The following MYO9A variants were observed in gnomAD, a reference collection of about 807,000 sequenced individuals.
MYO9A encodes the protein unconventional myosin-IXa.
A neutral mutation model predicts 293.3 loss-of-function variants in MYO9A; 103 were observed. That is an observed-to-expected ratio of 0.35 (90% confidence interval 0.30 to 0.41). The LOEUF is 0.41. MYO9A is among the 10% of genes least tolerant of loss of function. The pLI is 1.00. For missense variants in MYO9A, 2,685 were observed against 3,033.0 expected, an observed-to-expected ratio of 0.89 and a Z score of 2.69; for synonymous variants, 1,001 against 1,035.7, an observed-to-expected ratio of 0.97 and a Z score of 0.64.
rs2140411163 is a variant in MYO9A, at chr15:71,826,270, T to G, written c.*310A>C. The G allele has an allele frequency of 3.6e-6, 1 of 278,336 alleles. No homozygotes were observed. The highest frequency in any genetic ancestry group is 8.9e-5 in the South Asian group (1 of 11,198). 17.2% of individuals were successfully genotyped at this position (278,336 alleles called of 1,614,324 possible). On this transcript the variant is annotated 3_prime_UTR_variant, in exon 42 of 42. Coordinates refer to ENST00000356056, the MANE Select transcript of MYO9A (RefSeq NM_006901.4). Reference sequence around the variant, plus strand: ...ATCCCCCCTAGTTCAACACCCACCTTTGGGAAGGGAAAAGAGGGTGGGGGA... The same window carrying G: ...ATCCCCCCTAGTTCAACACCCACCTGTGGGAAGGGAAAAGAGGGTGGGGGA...
chr15:72,031,226 A>C (rs1195283646), intron 3 of MYO9A, among the ~76,000 whole-genome samples: 3 of 152,174 alleles, frequency 2.0e-5, no homozygotes, highest in Non-Finnish European at 4.4e-5. Flanking sequence ...GAGATTAACA[A>C]TAACTAATAA....
intron 19 of MYO9A, among the ~76,000 whole-genome samples, chr15:71,913,160 G>GT (rs1191615199): frequency 6.6e-6 from 1 of 151,598 alleles, no homozygotes; most frequent in African/African-American, 2.4e-5. Context: ...TGCTATTTTC[G>GT]TTTTTTTACA....
intron 7 of MYO9A, among the ~76,000 whole-genome samples, chr15:72,008,439 GTGT>G (rs2077077379): frequency 2.4e-5 from 2 of 84,786 alleles, no homozygotes; most frequent in East Asian, 2.4e-4. Flanking sequence ...GTAAATGGGT[GTGT>G]GTGTGTGTGT....
chr15:71,939,788 A>G (rs1393793916), intron 15 of MYO9A, among the ~76,000 whole-genome samples: 1 of 152,260 alleles, frequency 6.6e-6, no homozygotes, highest in Non-Finnish European at 1.5e-5. Context: ...ACACACAAAC[A>G]TGTAATATAT....
In MYO9A at chr15:71,889,471, T is replaced by TA. The variant is rs1204447878; in HGVS notation, c.5143-1356dup. On this transcript the variant is annotated intron_variant, in intron 26 of 41. Transcript: ENST00000356056. ...TTTTTTTTTTTTTTTTTTTTTTTTT[T>TA]AAGAGACATGGTCTTGCTCTGTTGC... 8.9e-4 allele frequency: 108 copies of TA among 121,820 alleles called. 1 individual carries two copies. The highest frequency in any genetic ancestry group is 3.6e-3 in the African/African-American group (104 of 28,922). The allele number at this position is 121,820 out of a possible 1,614,324, so 7.5% of individuals were successfully genotyped here.
rs1442509588 is a variant in MYO9A, at chr15:71,897,554, G to A, written c.4949C>T (p.Thr1650Ile). ...RISKREHFRP[T>I]QSYSHNSDDL... is the part of the protein sequence containing the mutation. ...ATCAGAATTGTGGCTGTAAGACTGAGTTGGCCTAAAGTGTTCTCTTTTTGA... is the reference window on the plus strand; with the variant it reads ...ATCAGAATTGTGGCTGTAAGACTGAATTGGCCTAAAGTGTTCTCTTTTTGA... Residue 1650 changes from threonine to isoleucine, a missense_variant, in exon 25 of 42, where the codon ACT (threonine) becomes ATT (isoleucine). Around this residue, in one of 10 missense-constraint regions of MYO9A, gnomAD observed 1,434 missense variants for 1,497.7 expected, o/e 0.96. Transcript: ENST00000356056. 1 of 1,614,056 alleles carries A rather than the reference G, an allele frequency of 6.2e-7. No homozygotes were observed. The highest frequency in any genetic ancestry group is 8.5e-7 in the Non-Finnish European group (1 of 1,180,028).
At chr15:71,999,430 A>C (rs1033270879) in intron 9 of MYO9A, among the ~76,000 whole-genome samples, 1 of 152,036 alleles carries the variant, frequency 6.6e-6, no homozygotes, top group Non-Finnish European at 1.5e-5. Context: ...TTTAGAGATA[A>C]AGAAAAAAAA....
At chr15:71,868,872 A>G (rs1255076330) in intron 32 of MYO9A, among the ~76,000 whole-genome samples, 1 of 152,186 alleles carries the variant, frequency 6.6e-6, no homozygotes, top group African/African-American at 2.4e-5. Context: ...ATTAGAAAAA[A>G]CACTGTAAAA....
chr15:71,921,606 G>A (rs1044164259), intron 18 of MYO9A, among the ~76,000 whole-genome samples: 17 of 152,132 alleles, frequency 1.1e-4, no homozygotes, highest in African/African-American at 3.9e-4. Context: ...TCAGGATAGG[G>A]ATATATCTTA....
In MYO9A at chr15:71,826,577, G is replaced by A. The variant is rs573783945; in HGVS notation, c.*3C>T. On this transcript the variant is annotated 3_prime_UTR_variant, in exon 42 of 42. Transcript: ENST00000356056. ...AGCCACGGAGGGACACACATCTGCCGGTTCAGACCATAAATTCATTATTTC... is the reference window on the plus strand; with the variant it reads ...AGCCACGGAGGGACACACATCTGCCAGTTCAGACCATAAATTCATTATTTC... The A allele has an allele frequency of 1.6e-5, 26 of 1,576,946 alleles. No individual in the cohort carries two copies. The highest frequency in any genetic ancestry group is 2.2e-5 in the East Asian group (1 of 44,708).
chr15:72,008,205 GA>G (rs2077068911), intron 7 of MYO9A, among the ~76,000 whole-genome samples: 1 of 152,052 alleles, frequency 6.6e-6, no homozygotes, highest in South Asian at 2.1e-4. Flanking sequence ...GCTATTGCCT[GA>G]ATTTGTCACA....
At chr15:71,839,974 G>C (rs2055086255) in intron 39 of MYO9A, among the ~76,000 whole-genome samples, 1 of 152,162 alleles carries the variant, frequency 6.6e-6, no homozygotes, top group Admixed American at 6.5e-5. Context: ...TGTAAGAACT[G>C]ATCTTTGGTC....
At chr15:71,938,991 T>C in intron 15 of MYO9A, 64 bp from the exon 16 acceptor site, 2 of 1,326,366 alleles carry the variant, frequency 1.5e-6, no homozygotes, top group Non-Finnish European at 2.1e-6. Context: ...CGTGAAATAG[T>C]TTTTCTAAAG....
At chr15:72,041,733 G>A (rs756791295) in intron 2 of MYO9A, 37 of 161,382 alleles carry the variant, frequency 2.3e-4, no homozygotes, top group Non-Finnish European at 8.2e-5. Flanking sequence ...ACCTGCACAG[G>A]TCCCCTACAG....
At chr15:71,939,469 C>T (rs2058718338) in intron 15 of MYO9A, among the ~76,000 whole-genome samples, 1 of 152,152 alleles carries the variant, frequency 6.6e-6, no homozygotes, top group Admixed American at 6.6e-5. Flanking sequence ...GTTTTCTGTT[C>T]CTGCATTTAG....
intron 18 of MYO9A, among the ~76,000 whole-genome samples, chr15:71,925,815 A>G (rs1314521238): frequency 5.3e-5 from 8 of 152,206 alleles, no homozygotes; most frequent in Non-Finnish European, 1.2e-4. Flanking sequence ...ACTATATGCC[A>G]CCATTACATT....
intron 39 of MYO9A, among the ~76,000 whole-genome samples, chr15:71,845,427 G>C (rs1044342188): frequency 3.3e-5 from 5 of 152,334 alleles, no homozygotes; most frequent in Admixed American, 3.3e-4. Context: ...GTGGTTCTCA[G>C]AGTGTAGCCC....
At chr15:71,902,199 C>T (rs1469794447) in intron 22 of MYO9A, among the ~76,000 whole-genome samples, 2 of 151,784 alleles carry the variant, frequency 1.3e-5, no homozygotes, top group East Asian at 3.9e-4. Flanking sequence ...GACAACGGGA[C>T]AATTAATCTC....
chr15:72,023,220 G>GA (rs1007896233), intron 4 of MYO9A, among the ~76,000 whole-genome samples: 3 of 152,102 alleles, frequency 2.0e-5, no homozygotes, highest in Non-Finnish European at 4.4e-5. Flanking sequence ...TGAACTTGAA[G>GA]AAAAAATCAA....
Sources: allele counts gnomAD v4.1 joint callset (sites outside exome capture counted in the v4.1 genomes callset), GRCh38; gene constraint gnomAD v4.1.1; regional missense constraint gnomAD v4.1.1; transcripts MANE v1.5; gene names NCBI Gene and HGNC (gene_info 2026-07-23, HGNC 2026-07-21).